SYT9: variants seen among roughly 807,000 people sequenced by gnomAD.
SYT9 encodes the protein synaptotagmin-9.
SYT9 carries 22 observed loss-of-function variants against 48.4 expected under a neutral mutation model. The observed-to-expected ratio is 0.45, with a 90% confidence interval of 0.32 to 0.65. The LOEUF (loss-of-function observed/expected upper bound fraction) is 0.65. Ranked by LOEUF, SYT9 falls within the 30% of genes least tolerant of loss-of-function variation. SYT9 has a pLI of 0.03. For missense variants in SYT9, 577 were observed against 622.0 expected, an observed-to-expected ratio of 0.93 and a Z score of 0.77; for synonymous variants, 265 against 245.0, an observed-to-expected ratio of 1.08 and a Z score of -0.76.
chr11:7,422,978 G>A (rs1847382678), intron 6 of SYT9, among the ~76,000 whole-genome samples: 1 of 152,226 alleles, frequency 6.6e-6, no homozygotes, highest in Non-Finnish European at 1.5e-5. Context: ...TAACTGAAAA[G>A]TAAATGCCAT....
chr11:7,248,750 A>G (rs980953173), upstream of SYT9, among the ~76,000 whole-genome samples: 1 of 152,214 alleles, frequency 6.6e-6, no homozygotes, highest in Admixed American at 6.5e-5. Flanking sequence ...GAAAATGACT[A>G]TACTGCCAAA....
chr11:7,386,515 G>T (rs1307784021), intron 3 of SYT9, among the ~76,000 whole-genome samples: 1 of 151,674 alleles, frequency 6.6e-6, no homozygotes, highest in African/African-American at 2.4e-5. Context: ...CTCAAAAGAA[G>T]ACATTTATGC....
chr11:7,379,208 A>C (rs1031344990), intron 3 of SYT9, among the ~76,000 whole-genome samples: 1 of 152,192 alleles, frequency 6.6e-6, no homozygotes, highest in Non-Finnish European at 1.5e-5. Context: ...TTGACTAGAC[A>C]TGCTCCCTGG....
intron 3 of SYT9, among the ~76,000 whole-genome samples, chr11:7,323,885 T>C (rs1849381023): frequency 1.7e-5 from 2 of 119,698 alleles, no homozygotes; most frequent in South Asian, 7.3e-4. Flanking sequence ...GATCAAACTG[T>C]GATTTTTTTT....
intron 3 of SYT9, among the ~76,000 whole-genome samples, chr11:7,368,717 G>C (rs1380310971): frequency 6.6e-6 from 1 of 152,136 alleles, no homozygotes; most frequent in Non-Finnish European, 1.5e-5. Context: ...TGGCTGTGTA[G>C]TATTCCATGG....
At chr11:7,460,928 A>G (rs1018911736) in intron 6 of SYT9, among the ~76,000 whole-genome samples, 1 of 152,170 alleles carries the variant, frequency 6.6e-6, no homozygotes, top group Admixed American at 6.5e-5. Flanking sequence ...ATGACCAGAG[A>G]TTTGAGTCCC....
chr11:7,313,442 A>G lies in SYT9; in HGVS notation c.545A>G (p.Asn182Ser), dbSNP rs764336108. The change falls in exon 3 of 7, where the codon AAT becomes AGT. Residue 182 changes from asparagine (N) to serine (S), a missense_variant. Coordinates refer to ENST00000318881, the MANE Select transcript of SYT9 (RefSeq NM_175733.4). Reference sequence around the variant, plus strand: ...CTCAACTTGTCAAACCCGGACTTCAATATCCAGCAGCTTCAAAAACAGGAA... The same window carrying G: ...CTCAACTTGTCAAACCCGGACTTCAGTATCCAGCAGCTTCAAAAACAGGAA... ...RQLNLSNPDFNIQQLQKQEQL... is the reference protein window; with the variant it reads ...RQLNLSNPDFSIQQLQKQEQL... The G allele has an allele frequency of 1.4e-5, 23 of 1,613,678 alleles. No individual in the cohort carries two copies. The highest frequency in any genetic ancestry group is 6.7e-5 in the African/African-American group (5 of 74,930).
Position 7,449,955 on chromosome 11 carries a change from C to T in SYT9, c.1468-16837C>T, listed in dbSNP as rs992121256. Among the ~76,000 whole-genome samples, 3 of 152,288 alleles carry T rather than the reference C, an allele frequency of 2.0e-5. No homozygotes were observed. In the South Asian group the frequency reaches 6.2e-4, roughly 32 times the overall value. On this transcript the variant is annotated intron_variant, in intron 6 of 6. Coordinates refer to ENST00000318881, the MANE Select transcript of SYT9 (RefSeq NM_175733.4). ...CCTGTGCCCAGCTAACTTCTCAACTCCTGTCTGCCTTCTCCCCGATGCCAG... is the reference window on the plus strand; with the variant it reads ...CCTGTGCCCAGCTAACTTCTCAACTTCTGTCTGCCTTCTCCCCGATGCCAG...
intron 1 of SYT9, among the ~76,000 whole-genome samples, chr11:7,241,200 TATTTAAAACAC>T (rs1337950239): frequency 7.0e-6 from 1 of 142,896 alleles, no homozygotes; most frequent in Non-Finnish European, 1.5e-5. Flanking sequence ...GAAGAGGTGT[TATTTAAAACAC>T]ACACACACAC....
Position 7,251,967 on chromosome 11 carries a change from A to C in SYT9, c.-220A>C. On this transcript the variant is annotated 5_prime_UTR_variant, in exon 1 of 7. Coordinates refer to ENST00000318881, the MANE Select transcript of SYT9 (RefSeq NM_175733.4). Reference sequence around the variant, plus strand: ...GGGAGGGACGGAGGGACCGGGCGGGAGAGAGAGAAAGCCTGACCGACCGGC... The same window carrying C: ...GGGAGGGACGGAGGGACCGGGCGGGCGAGAGAGAAAGCCTGACCGACCGGC... 4.5e-6 allele frequency: 2 copies of C among 440,104 alleles called. No individual in the cohort carries two copies. Among genetic ancestry groups the C allele is most frequent in the Non-Finnish European group, 7.9e-6 (2 of 253,466 alleles). 27.3% of individuals were successfully genotyped at this position (440,104 alleles called of 1,614,324 possible).
At chr11:7,458,683 C>T (rs567271433) in intron 6 of SYT9, among the ~76,000 whole-genome samples, 14 of 152,010 alleles carry the variant, frequency 9.2e-5, no homozygotes, top group Middle Eastern at 3.4e-3. Context: ...GCTAAGGGAA[C>T]GGCCAATACA....
chr11:7,259,869 CTT>C (rs1458119466), intron 1 of SYT9, among the ~76,000 whole-genome samples: 5 of 152,010 alleles, frequency 3.3e-5, no homozygotes, highest in South Asian at 4.1e-4. Flanking sequence ...ATTAAAGTGT[CTT>C]TTGAAATTTC....
chr11:7,387,266 AC>A (rs1464612695), intron 3 of SYT9, among the ~76,000 whole-genome samples: 2 of 152,132 alleles, frequency 1.3e-5, no homozygotes, highest in Non-Finnish European at 2.9e-5. Context: ...TATGTAACTA[AC>A]CTGCCCATTG....
intron 6 of SYT9, among the ~76,000 whole-genome samples, chr11:7,433,851 G>A (rs1394760418): frequency 6.6e-6 from 1 of 152,144 alleles, no homozygotes; most frequent in Admixed American, 6.5e-5. Flanking sequence ...TCCAATCTAA[G>A]ATATTTTGTT....
intron 1 of SYT9, among the ~76,000 whole-genome samples, chr11:7,241,207 A>AAC (rs141196550): frequency 0.41 from 58,994 of 143,934 alleles, 12,200 homozygotes; most frequent in South Asian, 0.49. Flanking sequence ...TGTTATTTAA[A>AAC]ACACACACAC....
chr11:7,248,813 A>T (rs932563596), upstream of SYT9, among the ~76,000 whole-genome samples: 2 of 152,218 alleles, frequency 1.3e-5, no homozygotes, highest in South Asian at 2.1e-4. Context: ...ATCATTCTTC[A>T]TAAAATTACA....
At chr11:7,333,777 CCAT>C (rs2133981223) in intron 3 of SYT9, among the ~76,000 whole-genome samples, 1 of 152,288 alleles carries the variant, frequency 6.6e-6, no homozygotes, top group East Asian at 1.9e-4. Context: ...AGTTTTGTCT[CCAT>C]CATCATTCAA....
At chr11:7,290,798 C>T (rs1159912709) in intron 1 of SYT9, among the ~76,000 whole-genome samples, 4 of 152,116 alleles carry the variant, frequency 2.6e-5, no homozygotes, top group Admixed American at 1.3e-4. Flanking sequence ...TATAAAAGCT[C>T]ATCTCATTTT....
At chr11:7,288,933 C>T (rs1848648574) in intron 1 of SYT9, among the ~76,000 whole-genome samples, 1 of 152,164 alleles carries the variant, frequency 6.6e-6, no homozygotes, top group African/African-American at 2.4e-5. Flanking sequence ...TCAAGCCCAG[C>T]TTTTTATAGA....
Sources: allele counts gnomAD v4.1 joint callset (sites outside exome capture counted in the v4.1 genomes callset), GRCh38; gene constraint gnomAD v4.1.1; transcripts MANE v1.5; gene names NCBI Gene and HGNC (gene_info 2026-07-23, HGNC 2026-07-21).